The following SYT1 variants were observed in gnomAD, a reference collection of about 807,000 sequenced individuals.
SYT1 encodes the protein synaptotagmin-1.
A neutral mutation model predicts 44.8 loss-of-function variants in SYT1; 8 were observed. The ratio of observed to expected loss-of-function variants is 0.18; its 90% CI spans 0.10 to 0.32. The LOEUF (loss-of-function observed/expected upper bound fraction) is 0.32. SYT1 is among the 10% of genes least tolerant of loss of function. The pLI is 1.00. For missense variants in SYT1, 286 were observed against 509.3 expected, an observed-to-expected ratio of 0.56 and a Z score of 4.22; for synonymous variants, 154 against 188.8, an observed-to-expected ratio of 0.82 and a Z score of 1.51.
At position 78,913,931 on chromosome 12, in the gene SYT1, G is replaced by A. The variant is rs541079185; in HGVS notation, c.-217+48822G>A. Among the ~76,000 whole-genome samples, 103 of 151,824 alleles carry A rather than the reference G, an allele frequency of 6.8e-4. 1 individual carries two copies. Among genetic ancestry groups the A allele is most frequent in the Non-Finnish European group, 1.3e-3 (88 of 67,832 alleles). On this transcript the variant is annotated intron_variant, in intron 1 of 10. Transcript: ENST00000261205. ...GTATCTTGGGAAAAATGGGTATGTT[G>A]TAAAGGGCATTGAATTGGGTTTGCC...
intron 2 of SYT1, among the ~76,000 whole-genome samples, chr12:79,010,000 G>C (rs1871316628): frequency 6.6e-6 from 1 of 152,104 alleles, no homozygotes; most frequent in Admixed American, 6.6e-5. Context: ...TTGCCTTTCA[G>C]TGTCTGTGAA....
chr12:79,005,662 C>T (rs964080858), intron 2 of SYT1, among the ~76,000 whole-genome samples: 4 of 151,890 alleles, frequency 2.6e-5, no homozygotes, highest in African/African-American at 4.8e-5. Context: ...AGACACGGCC[C>T]CTACATAGAC....
intron 9 of SYT1, chr12:79,393,815 C>T (rs1247539535): frequency 6.6e-6 from 1 of 152,126 alleles, no homozygotes; most frequent in Non-Finnish European, 1.5e-5. Flanking sequence ...AATTAAATCC[C>T]ATTTGTCTAT....
chr12:78,956,587 G>GAAA (rs71441945), intron 1 of SYT1, among the ~76,000 whole-genome samples: 1 of 144,694 alleles, frequency 6.9e-6, no homozygotes. Context: ...CATCAAAAAT[G>GAAA]AAAAAAAAAA....
At chr12:79,370,755 T>G (rs575121995) in intron 9 of SYT1, among the ~76,000 whole-genome samples, 1 of 151,968 alleles carries the variant, frequency 6.6e-6, no homozygotes, top group Admixed American at 6.6e-5. Flanking sequence ...AGAGCGATAT[T>G]CCGTCTCAAA....
chr12:79,424,953 C>CTTTTTTTTTT (rs398040025), intron 9 of SYT1, among the ~76,000 whole-genome samples: 4 of 85,250 alleles, frequency 4.7e-5, no homozygotes, highest in African/African-American at 1.4e-4. Context: ...TTTTCTTCTT[C>CTTTTTTTTTT]TTTTTTTTTT....
chr12:79,418,850 G>A (rs1402258176), intron 9 of SYT1, among the ~76,000 whole-genome samples: 1 of 152,088 alleles, frequency 6.6e-6, no homozygotes, highest in African/African-American at 2.4e-5. Context: ...TTTCAATGCT[G>A]TATGCACGTT....
intron 9 of SYT1, among the ~76,000 whole-genome samples, chr12:79,403,712 C>G (rs1885148755): frequency 6.6e-6 from 1 of 152,070 alleles, no homozygotes; most frequent in South Asian, 2.1e-4. Context: ...AGATGTATTT[C>G]TCAAAGCAGT....
At chr12:78,879,411 G>A (rs966364433) in intron 1 of SYT1, among the ~76,000 whole-genome samples, 1 of 151,728 alleles carries the variant, frequency 6.6e-6, no homozygotes, top group African/African-American at 2.4e-5. Flanking sequence ...CTGACACGTA[G>A]TGCAACCACC....
chr12:79,042,310 AT>A (rs1328399886), intron 2 of SYT1, among the ~76,000 whole-genome samples: 1 of 150,298 alleles, frequency 6.7e-6, no homozygotes, highest in Non-Finnish European at 1.5e-5. Context: ...AGATCCTGTT[AT>A]TGGTCTATTC....
At chr12:79,018,278 G>A (rs1397613924) in intron 2 of SYT1, among the ~76,000 whole-genome samples, 12 of 150,220 alleles carry the variant, frequency 8.0e-5, no homozygotes, top group Admixed American at 6.7e-4. Context: ...CTCACTCATA[G>A]GTGGGAATTG....
intron 1 of SYT1, among the ~76,000 whole-genome samples, chr12:78,888,081 A>G (rs17045871): frequency 0.081 from 12,251 of 151,936 alleles, 581 homozygotes; most frequent in African/African-American, 0.13. Flanking sequence ...GTCATTGGTA[A>G]TAGTAATAAG....
chr12:79,067,644 G>C (rs1388711730), intron 3 of SYT1, among the ~76,000 whole-genome samples: 4 of 152,158 alleles, frequency 2.6e-5, no homozygotes. Flanking sequence ...TTTGTAAGGA[G>C]ACCTTGTAAT....
At chr12:79,096,892 G>T (rs1878164619) in intron 3 of SYT1, among the ~76,000 whole-genome samples, 1 of 151,994 alleles carries the variant, frequency 6.6e-6, no homozygotes, top group Non-Finnish European at 1.5e-5. Flanking sequence ...AGATTAAGAG[G>T]CTGGGAAAGA....
chr12:79,431,503 AT>A (rs1262384481), intron 9 of SYT1, among the ~76,000 whole-genome samples: 2 of 135,266 alleles, frequency 1.5e-5, no homozygotes, highest in Non-Finnish European at 3.2e-5. Context: ...AGTTTATTTT[AT>A]TTTATTTTAT....
chr12:79,385,140 C>T (rs1041216005), intron 9 of SYT1, among the ~76,000 whole-genome samples: 1 of 151,922 alleles, frequency 6.6e-6, no homozygotes, highest in South Asian at 2.1e-4. Flanking sequence ...GCACCCACCA[C>T]CATGCCCAGC....
chr12:78,885,539 T>C (rs984577602), intron 1 of SYT1, among the ~76,000 whole-genome samples: 1 of 152,030 alleles, frequency 6.6e-6, no homozygotes, highest in Non-Finnish European at 1.5e-5. Context: ...AATAAGATTG[T>C]CACTGAAAAT....
chr12:79,410,506 C>CAAAAAAAAAAA (rs5799432), intron 9 of SYT1, among the ~76,000 whole-genome samples: 7 of 75,914 alleles, frequency 9.2e-5, no homozygotes, highest in South Asian at 5.1e-4. Flanking sequence ...TGTTCAAAGT[C>CAAAAAAAAAAA]AAAAAAAAAA....
intron 1 of SYT1, among the ~76,000 whole-genome samples, chr12:78,921,094 A>G (rs1249054229): frequency 6.6e-6 from 1 of 151,986 alleles, no homozygotes; most frequent in Non-Finnish European, 1.5e-5. Flanking sequence ...CTAAAATTAA[A>G]AGAAAATACA....
Sources: allele counts gnomAD v4.1 joint callset (sites outside exome capture counted in the v4.1 genomes callset), GRCh38; gene constraint gnomAD v4.1.1; transcripts MANE v1.5; gene names NCBI Gene and HGNC (gene_info 2026-07-23, HGNC 2026-07-21).